Variants in MDGA2 observed in about 807,000 individuals in gnomAD.
MDGA2 encodes MAM domain-containing glycosylphosphatidylinositol anchor protein 2.
A neutral mutation model predicts 117.8 loss-of-function variants in MDGA2; 40 were observed. The ratio of observed to expected loss-of-function variants is 0.34; its 90% CI spans 0.26 to 0.44. The LOEUF (loss-of-function observed/expected upper bound fraction) is 0.44. MDGA2 is among the 20% of genes least tolerant of loss of function. The pLI is 1.00. For missense variants in MDGA2, 1,123 were observed against 1,250.6 expected, an observed-to-expected ratio of 0.90 and a Z score of 1.54; for synonymous variants, 452 against 439.0, an observed-to-expected ratio of 1.03 and a Z score of -0.37.
rs576206512 is a variant in MDGA2, at chr14:46,905,096, C to A, written c.2238+14916G>T. Among the ~76,000 whole-genome samples, 9 of 152,270 alleles carry A rather than the reference C, an allele frequency of 5.9e-5. 1 individual carries two copies. The highest frequency in any genetic ancestry group is 1.9e-4 in the African/African-American group (8 of 41,580). On this transcript the variant is annotated intron_variant, in intron 10 of 16. Transcript: ENST00000399232. ...TTTTAATGTTGCACAAGACTCTGTA[C>A]CTAGATGATTATCTTTTATTTCATA...
intron 4 of MDGA2, among the ~76,000 whole-genome samples, chr14:47,134,515 C>T (rs2139164329): frequency 6.6e-6 from 1 of 151,824 alleles, no homozygotes; most frequent in Non-Finnish European, 1.5e-5. Flanking sequence ...AATGATTTAT[C>T]TAGATTGTGC....
At chr14:47,338,134 C>A (rs1890515644) in intron 1 of MDGA2, among the ~76,000 whole-genome samples, 1 of 151,878 alleles carries the variant, frequency 6.6e-6, no homozygotes. Context: ...GCCTGGTTTT[C>A]AATAGCTGTT....
At chr14:46,934,806 A>T (rs750537858) in intron 9 of MDGA2, among the ~76,000 whole-genome samples, 5 of 152,182 alleles carry the variant, frequency 3.3e-5, no homozygotes, top group Non-Finnish European at 4.4e-5. Flanking sequence ...ATATTAAAAA[A>T]ATCATTTCAT....
intron 8 of MDGA2, among the ~76,000 whole-genome samples, chr14:46,972,718 T>C (rs1175734244): frequency 1.3e-5 from 2 of 152,130 alleles, no homozygotes; most frequent in Admixed American, 6.6e-5. Context: ...GGCTTGGTGA[T>C]AGCTTTTTAG....
intron 1 of MDGA2, among the ~76,000 whole-genome samples, chr14:47,480,653 T>C (rs1358545478): frequency 6.6e-6 from 1 of 152,014 alleles, no homozygotes; most frequent in Non-Finnish European, 1.5e-5. Flanking sequence ...CACTTCATTT[T>C]CTAATTATTG....
chr14:47,617,963 A>G (rs1896977984), intron 1 of MDGA2, among the ~76,000 whole-genome samples: 1 of 152,220 alleles, frequency 6.6e-6, no homozygotes, highest in Admixed American at 6.5e-5. Flanking sequence ...TTTTAATTAA[A>G]AAGTTTTCAA....
chr14:47,500,038 T>C (rs1054491787), intron 1 of MDGA2, among the ~76,000 whole-genome samples: 42 of 152,176 alleles, frequency 2.8e-4, no homozygotes, highest in African/African-American at 9.9e-4. Flanking sequence ...GCATGTCTAC[T>C]TCCCCTGAAA....
At chr14:47,513,054 T>C (rs998949657) in intron 1 of MDGA2, among the ~76,000 whole-genome samples, 3 of 152,134 alleles carry the variant, frequency 2.0e-5, no homozygotes, top group Admixed American at 6.6e-5. Flanking sequence ...TTTGCTATTA[T>C]ATATAGTCAT....
chr14:47,599,340 G>A (rs74046656), intron 1 of MDGA2, among the ~76,000 whole-genome samples: 18 of 150,946 alleles, frequency 1.2e-4, no homozygotes, highest in African/African-American at 4.1e-4. Context: ...TTATTCAAAT[G>A]GCATCAAATC....
At chr14:47,474,507 A>T (rs182758132) in intron 1 of MDGA2, among the ~76,000 whole-genome samples, 1 of 152,300 alleles carries the variant, frequency 6.6e-6, no homozygotes, top group African/African-American at 2.4e-5. Flanking sequence ...TATGGAACCA[A>T]AAATGAGCCT....
At chr14:47,355,981 C>G (rs569415739) in intron 1 of MDGA2, among the ~76,000 whole-genome samples, 1 of 152,296 alleles carries the variant, frequency 6.6e-6, no homozygotes, top group East Asian at 1.9e-4. Context: ...TAAGCTTGAC[C>G]TGTACAAGCC....
chr14:47,374,673 C>A (rs1322439412), intron 1 of MDGA2, among the ~76,000 whole-genome samples: 1 of 152,014 alleles, frequency 6.6e-6, no homozygotes, highest in Admixed American at 6.6e-5. Flanking sequence ...GAGTATTATA[C>A]AAGAGCAAGA....
At chr14:47,068,416 A>AT (rs1890161384) in intron 6 of MDGA2, among the ~76,000 whole-genome samples, 5 of 127,240 alleles carry the variant, frequency 3.9e-5, no homozygotes, top group Admixed American at 2.5e-4. Flanking sequence ...AAGAAAAAAA[A>AT]AATATATATA....
At chr14:47,006,491 G>C (rs937676223) in intron 8 of MDGA2, among the ~76,000 whole-genome samples, 3 of 148,830 alleles carry the variant, frequency 2.0e-5, no homozygotes, top group African/African-American at 7.3e-5. Flanking sequence ...AACATAAAGA[G>C]TGAACAGAAT....
chr14:47,391,880 G>T (rs902706092), intron 1 of MDGA2, among the ~76,000 whole-genome samples: 1 of 151,822 alleles, frequency 6.6e-6, no homozygotes, highest in African/African-American at 2.4e-5. Context: ...CAATTTAGAA[G>T]CACTAATTAA....
chr14:47,664,388 T>C (rs574756394), intron 1 of MDGA2, among the ~76,000 whole-genome samples: 1 of 152,308 alleles, frequency 6.6e-6, no homozygotes, highest in South Asian at 2.1e-4. Flanking sequence ...CATCTAAGTG[T>C]AGATTTTTAA....
chr14:47,551,128 A>G (rs1448944342), intron 1 of MDGA2, among the ~76,000 whole-genome samples: 2 of 152,230 alleles, frequency 1.3e-5, no homozygotes, highest in East Asian at 3.8e-4. Flanking sequence ...TATTAAGTTA[A>G]AATACAAATC....
intron 5 of MDGA2, among the ~76,000 whole-genome samples, chr14:47,105,690 T>C (rs1191082331): frequency 6.6e-6 from 1 of 150,438 alleles, no homozygotes; most frequent in African/African-American, 2.5e-5. Flanking sequence ...GGCATTCTTT[T>C]ACACATCAGT....
chr14:47,529,086 C>T (rs556546857), intron 1 of MDGA2, among the ~76,000 whole-genome samples: 2 of 151,918 alleles, frequency 1.3e-5, no homozygotes, highest in Admixed American at 6.6e-5. Context: ...ACAAGCTCCG[C>T]CCCCCGGGTT....
Sources: gnomAD v4.1 joint callset for allele counts (sites outside exome capture counted in the v4.1 genomes callset) on GRCh38, gnomAD v4.1.1 for gene constraint, MANE v1.5 for transcripts, NCBI Gene and HGNC (gene_info 2026-07-23, HGNC 2026-07-21) for gene names.